Variants in CCDC171 observed in about 807,000 individuals in gnomAD.
CCDC171 encodes the protein coiled-coil domain-containing protein 171.
CCDC171 carries 177 observed loss-of-function variants against 168.2 expected under a neutral mutation model. The observed-to-expected ratio is 1.05, with a 90% CI of 0.93 to 1.19. The LOEUF is 1.19. Ranked by LOEUF, CCDC171 falls within the 50% of genes most tolerant of loss-of-function variation. The pLI, the probability that CCDC171 is intolerant of heterozygous loss-of-function variation, is 0.00. For missense variants in CCDC171, 1,991 were observed against 1,539.0 expected (o/e 1.29, Z -4.91); for synonymous variants, 687 against 540.8 (o/e 1.27, Z -3.75).
At chr9:15,703,624 A>G (rs971423585) in intron 11 of CCDC171, among the ~76,000 whole-genome samples, 3 of 152,236 alleles carry the variant, frequency 2.0e-5, no homozygotes, top group East Asian at 1.9e-4. Context: ...TTCAATGTGT[A>G]TATATCCCAC....
At chr9:15,937,848 T>C (rs4741549) in intron 25 of CCDC171, among the ~76,000 whole-genome samples, 48,275 of 151,520 alleles carry the variant, frequency 0.32, 9,472 homozygotes, top group East Asian at 0.62. Context: ...TATTTAACTC[T>C]GTCACTGTGA....
chr9:15,834,773 GA>G (rs1429786728), intron 21 of CCDC171, among the ~76,000 whole-genome samples: 1 of 152,174 alleles, frequency 6.6e-6, no homozygotes, highest in Non-Finnish European at 1.5e-5. Context: ...TGTGGTTAGG[GA>G]CGTATATGCA....
the CCDC171 span, among the ~76,000 whole-genome samples, chr9:16,104,064 G>GA: frequency 2.0e-5 from 3 of 152,112 alleles, no homozygotes; most frequent in Non-Finnish European, 2.9e-5. Flanking sequence ...TACCCCTTCT[G>GA]TAGCTTTCAG....
intron 18 of CCDC171, among the ~76,000 whole-genome samples, chr9:15,750,276 T>G (rs995833128): frequency 6.6e-6 from 1 of 152,060 alleles, no homozygotes; most frequent in African/African-American, 2.4e-5. Context: ...CAGGAAGAAG[T>G]CGAATCTCTG....
At chr9:15,928,857 G>A (rs543202904) in intron 25 of CCDC171, among the ~76,000 whole-genome samples, 49 of 151,722 alleles carry the variant, frequency 3.2e-4, no homozygotes, top group Non-Finnish European at 6.2e-4. Flanking sequence ...CTCAAGAGTT[G>A]TTTGTATAGG....
At chr9:15,893,985 G>A (rs535151514) in intron 24 of CCDC171, among the ~76,000 whole-genome samples, 19 of 152,202 alleles carry the variant, frequency 1.2e-4, no homozygotes, top group East Asian at 5.8e-4. Flanking sequence ...ACGTATGTTC[G>A]TTGTAGCACT....
chr9:15,863,904 G>A (rs1588905559), intron 23 of CCDC171, among the ~76,000 whole-genome samples: 1 of 151,350 alleles, frequency 6.6e-6, no homozygotes, highest in African/African-American at 2.4e-5. Context: ...TTGTTGTTTT[G>A]TATTTAGTGA....
In CCDC171 at chr9:15,910,101, T is replaced by C. The variant is rs1823393912; in HGVS notation, c.3601-10169T>C. 2.0e-5 allele frequency among the ~76,000 whole-genome samples: 3 copies of C among 152,160 alleles called. No individual in the cohort carries two copies. The South Asian group carries it at 6.2e-4, about 31-fold the overall frequency. ...ATTTCACTTATAATGGCCTTAATTA[T>C]ATCCATGTGGCTGCATAAGACATGA... On this transcript the variant is annotated intron_variant, in intron 24 of 25. Coordinates refer to ENST00000380701, the MANE Select transcript of CCDC171 (RefSeq NM_173550.4).
At chr9:15,578,266 G>T (rs1341919894) in intron 3 of CCDC171, among the ~76,000 whole-genome samples, 1 of 148,508 alleles carries the variant, frequency 6.7e-6, no homozygotes, top group Non-Finnish European at 1.5e-5. Context: ...AGACGGTCTT[G>T]CTCTGTCCTT....
chr9:15,735,072 G>C (rs1481280364), intron 16 of CCDC171, among the ~76,000 whole-genome samples: 1 of 152,186 alleles, frequency 6.6e-6, no homozygotes, highest in African/African-American at 2.4e-5. Context: ...TAGAAAAGTA[G>C]TGTTTGTAAG....
intron 3 of CCDC171, among the ~76,000 whole-genome samples, chr9:16,001,398 A>ATG (rs138065892): frequency 0.074 from 11,069 of 150,008 alleles, 472 homozygotes; most frequent in South Asian, 0.19. Context: ...TCTCATATGT[A>ATG]TGTGTGTGTG....
At chr9:16,016,402 C>A (rs971537626) in intron 3 of CCDC171, among the ~76,000 whole-genome samples, 1 of 151,994 alleles carries the variant, frequency 6.6e-6, no homozygotes, top group African/African-American at 2.4e-5. Context: ...GAGGCAGGTG[C>A]CCAATATATA....
At chr9:15,906,094 A>G (rs1456742597) in intron 24 of CCDC171, among the ~76,000 whole-genome samples, 1 of 152,240 alleles carries the variant, frequency 6.6e-6, no homozygotes, top group Non-Finnish European at 1.5e-5. Flanking sequence ...TACCAGAGGT[A>G]CAAGGAGGAG....
chr9:15,847,504 T>G (rs2060949796), intron 22 of CCDC171, among the ~76,000 whole-genome samples: 1 of 152,060 alleles, frequency 6.6e-6, no homozygotes. Context: ...AACAGTTCTC[T>G]TGGGCATTTT....
intron 25 of CCDC171, among the ~76,000 whole-genome samples, chr9:15,947,784 G>A (rs1029908569): frequency 4.7e-5 from 7 of 150,458 alleles, no homozygotes; most frequent in African/African-American, 1.7e-4. Flanking sequence ...GTTCATAATG[G>A]GCATACAAGT....
intron 24 of CCDC171, among the ~76,000 whole-genome samples, chr9:15,881,196 T>C (rs1368863436): frequency 1.3e-5 from 2 of 152,208 alleles, no homozygotes; most frequent in African/African-American, 4.8e-5. Context: ...GATTTCATAT[T>C]GCACAAGTAG....
chr9:15,907,910 A>G (rs1034161407), intron 24 of CCDC171, among the ~76,000 whole-genome samples: 6 of 152,246 alleles, frequency 3.9e-5, no homozygotes, highest in Non-Finnish European at 7.3e-5. Flanking sequence ...AAAAATGCTC[A>G]TCATCACTGG....
intron 11 of CCDC171, among the ~76,000 whole-genome samples, chr9:15,702,227 G>A (rs2051808921): frequency 6.6e-6 from 1 of 152,096 alleles, no homozygotes; most frequent in Admixed American, 6.5e-5. Context: ...ATCCGTATGA[G>A]CTGTTCCAAC....
intron 4 of CCDC171, among the ~76,000 whole-genome samples, chr9:15,590,084 C>T (rs79177604): frequency 3.3e-5 from 5 of 152,078 alleles, no homozygotes; most frequent in South Asian, 2.1e-4. Flanking sequence ...AAAGCTTTCA[C>T]GAGAAAAGAA....
Sources: allele counts gnomAD v4.1 joint callset (sites outside exome capture counted in the v4.1 genomes callset), GRCh38; gene constraint gnomAD v4.1.1; transcripts MANE v1.5; gene names NCBI Gene and HGNC (gene_info 2026-07-23, HGNC 2026-07-21).